The following TAFA1 variants were observed in gnomAD, a reference collection of about 807,000 sequenced individuals.
The protein encoded by TAFA1 is TAFA chemokine like family member 1, also known as chemokine-like protein TAFA-1.
Under a neutral mutation model 18.5 loss-of-function variants are expected in TAFA1, and 4 were observed. That is an observed-to-expected ratio of 0.22 (90% CI 0.11 to 0.49). The LOEUF is 0.49. Ranked by LOEUF, TAFA1 falls within the 20% of genes least tolerant of loss-of-function variation. TAFA1 has a pLI of 0.98. For synonymous variants in TAFA1, 56 were observed against 55.2 expected (o/e 1.01, Z -0.06); for missense variants, 147 against 169.0 (o/e 0.87, Z 0.72).
intron 2 of TAFA1, among the ~76,000 whole-genome samples, chr3:68,369,134 TAGAAG>T (rs2069630082): frequency 6.6e-6 from 1 of 152,158 alleles, no homozygotes; most frequent in Admixed American, 6.6e-5. Context: ...CATGCCTAGT[TAGAAG>T]AGAGATGTTC....
chr3:68,407,934 G>A (rs766500888), intron 2 of TAFA1, among the ~76,000 whole-genome samples: 5 of 152,208 alleles, frequency 3.3e-5, no homozygotes, highest in Non-Finnish European at 4.4e-5. Context: ...AGATCCATTA[G>A]TGTCTCTCTT....
chr3:68,540,127 C>T (rs1240590863), intron 4 of TAFA1, among the ~76,000 whole-genome samples: 1 of 152,102 alleles, frequency 6.6e-6, no homozygotes, highest in Non-Finnish European at 1.5e-5. Flanking sequence ...GAAGACAAAA[C>T]TAATGCTACA....
intron 2 of TAFA1, among the ~76,000 whole-genome samples, chr3:68,384,611 C>G (rs2070050695): frequency 6.6e-6 from 1 of 151,908 alleles, no homozygotes; most frequent in African/African-American, 2.4e-5. Context: ...AGAGTAAGTA[C>G]CATGTGACAA....
intron 2 of TAFA1, among the ~76,000 whole-genome samples, chr3:68,298,044 G>A (rs541736248): frequency 2.0e-5 from 3 of 152,092 alleles, no homozygotes; most frequent in Non-Finnish European, 4.4e-5. Context: ...AGACAAAATT[G>A]TTTCCTTGCA....
the TAFA1 span, among the ~76,000 whole-genome samples, chr3:67,992,726 A>T: frequency 3.9e-5 from 6 of 152,010 alleles, no homozygotes; most frequent in African/African-American, 1.4e-4. Flanking sequence ...CTTCATTTAG[A>T]CTCTATTCTT....
chr3:68,486,669 C>T (rs1465328431), intron 3 of TAFA1, among the ~76,000 whole-genome samples: 7 of 152,168 alleles, frequency 4.6e-5, no homozygotes, highest in Admixed American at 1.3e-4. Flanking sequence ...CAAAGCATTT[C>T]GTAATGACGA....
chr3:68,206,691 G>A (rs1412531237), intron 2 of TAFA1, among the ~76,000 whole-genome samples: 3 of 151,904 alleles, frequency 2.0e-5, no homozygotes, highest in Non-Finnish European at 4.4e-5. Context: ...ATATTTCTGT[G>A]TGCAGACAAG....
chr3:68,484,047 A>G (rs2072288570), intron 3 of TAFA1, among the ~76,000 whole-genome samples: 1 of 152,372 alleles, frequency 6.6e-6, no homozygotes, highest in Non-Finnish European at 1.5e-5. Context: ...TCTAGTAGCC[A>G]CATTCAAAAG....
chr3:68,340,624 T>C (rs992449201), intron 2 of TAFA1, among the ~76,000 whole-genome samples: 1 of 152,150 alleles, frequency 6.6e-6, no homozygotes, highest in African/African-American at 2.4e-5. Context: ...TTTTTTTCTA[T>C]GGATATTTCC....
chr3:68,281,132 A>G (rs1276139475), intron 2 of TAFA1, among the ~76,000 whole-genome samples: 1 of 152,050 alleles, frequency 6.6e-6, no homozygotes, highest in Non-Finnish European at 1.5e-5. Context: ...TTAATTTTTT[A>G]TTTACATTGT....
intron 2 of TAFA1, among the ~76,000 whole-genome samples, chr3:68,380,046 T>G (rs527605006): frequency 6.6e-6 from 1 of 152,036 alleles, no homozygotes; most frequent in African/African-American, 2.4e-5. Context: ...CAATAGTTTG[T>G]TGAGAATGAT....
At chr3:68,223,293 C>A (rs1234402740) in intron 2 of TAFA1, among the ~76,000 whole-genome samples, 2 of 152,152 alleles carry the variant, frequency 1.3e-5, no homozygotes, top group African/African-American at 4.8e-5. Flanking sequence ...AATAAGCAAG[C>A]TGGAGTTGTC....
chr3:68,122,463 A>G (rs2065412258), intron 2 of TAFA1, among the ~76,000 whole-genome samples: 1 of 152,200 alleles, frequency 6.6e-6, no homozygotes, highest in Admixed American at 6.5e-5. Flanking sequence ...AAGAATCGCA[A>G]ATGAAGACAA....
chr3:68,283,702 G>T (rs1481173445), intron 2 of TAFA1, among the ~76,000 whole-genome samples: 1 of 152,150 alleles, frequency 6.6e-6, no homozygotes, highest in Non-Finnish European at 1.5e-5. Context: ...TAAGTATCTA[G>T]CAAACATTAC....
chr3:68,436,083 G>T (rs768835202), intron 3 of TAFA1, among the ~76,000 whole-genome samples: 1 of 152,268 alleles, frequency 6.6e-6, no homozygotes, highest in South Asian at 2.1e-4. Context: ...GCACGGGCTG[G>T]GGAATAAGGT....
chr3:68,386,642 C>T (rs1263765033), intron 2 of TAFA1, among the ~76,000 whole-genome samples: 1 of 152,114 alleles, frequency 6.6e-6, no homozygotes, highest in East Asian at 1.9e-4. Context: ...TGTTTGCCTT[C>T]ACCAAGAATG....
chr3:68,439,412 C>CATATATATATATATATAT (rs57059146), intron 3 of TAFA1, among the ~76,000 whole-genome samples: 2,800 of 72,926 alleles, frequency 0.038, 220 homozygotes, highest in Non-Finnish European at 0.046. Context: ...TATATACATA[C>CATATATATATATATATAT]ATATATATAT....
intron 3 of TAFA1, among the ~76,000 whole-genome samples, chr3:68,471,795 C>G (rs145028839): frequency 1.3e-5 from 2 of 152,152 alleles, no homozygotes; most frequent in Non-Finnish European, 2.9e-5. Context: ...TCAATCCTAT[C>G]AAGTTGACAT....
At chr3:68,446,498 G>T (rs1446190479) in intron 3 of TAFA1, among the ~76,000 whole-genome samples, 1 of 152,130 alleles carries the variant, frequency 6.6e-6, no homozygotes, top group Non-Finnish European at 1.5e-5. Flanking sequence ...GCAGGAGTTT[G>T]CCAGCAGCGT....
Sources: allele counts gnomAD v4.1 joint callset (sites outside exome capture counted in the v4.1 genomes callset), GRCh38; gene constraint gnomAD v4.1.1; transcripts MANE v1.5; gene names NCBI Gene and HGNC (gene_info 2026-07-23, HGNC 2026-07-21).